Variants in AKAP6 observed in about 807,000 individuals in gnomAD.
AKAP6 encodes the protein A-kinase anchoring protein 6.
Under a neutral mutation model 188.5 loss-of-function variants are expected in AKAP6, and 58 were observed. The ratio of observed to expected loss-of-function variants is 0.31; its 90% CI spans 0.25 to 0.38. The LOEUF (loss-of-function observed/expected upper bound fraction) is 0.38. Among genes scored for constraint, AKAP6 ranks in the 10% least tolerant of loss-of-function variants. The pLI is 1.00. For synonymous variants in AKAP6, 989 were observed against 998.6 expected, an observed-to-expected ratio of 0.99 and a Z score of 0.18; for missense variants, 2,710 against 2,740.0, an observed-to-expected ratio of 0.99 and a Z score of 0.24.
At chr14:32,775,166 C>G (rs2033018131) in intron 12 of AKAP6, among the ~76,000 whole-genome samples, 1 of 152,038 alleles carries the variant, frequency 6.6e-6, no homozygotes, top group South Asian at 2.1e-4. Flanking sequence ...AGCTATTTAG[C>G]TGGCATGTTT....
At chr14:32,691,238 T>A (rs138034832) in intron 8 of AKAP6, among the ~76,000 whole-genome samples, 1 of 152,144 alleles carries the variant, frequency 6.6e-6, no homozygotes, top group Admixed American at 6.5e-5. Context: ...CAAGAGAAGA[T>A]CCTGGTTCTG....
At chr14:32,671,678 G>C (rs1889202978) in intron 7 of AKAP6, among the ~76,000 whole-genome samples, 1 of 152,068 alleles carries the variant, frequency 6.6e-6, no homozygotes, top group Non-Finnish European at 1.5e-5. Context: ...AATATGGACA[G>C]CTTCTGTAGA....
At chr14:32,354,902 T>C (rs1486809144) in intron 1 of AKAP6, among the ~76,000 whole-genome samples, 1 of 152,240 alleles carries the variant, frequency 6.6e-6, no homozygotes, top group Non-Finnish European at 1.5e-5. Flanking sequence ...CTGTGGATCC[T>C]GGTGTAACTA....
intron 5 of AKAP6, among the ~76,000 whole-genome samples, chr14:32,598,242 A>G (rs935339544): frequency 6.6e-6 from 1 of 152,208 alleles, no homozygotes; most frequent in African/African-American, 2.4e-5. Flanking sequence ...GACCTTCTCA[A>G]TAAATGTTTA....
At position 32,387,220 on chromosome 14, in the gene AKAP6, G is replaced by T. The variant is rs114845326; in HGVS notation, c.-34-46240G>T. Among the ~76,000 whole-genome samples the T allele has an allele frequency of 7.9e-3, 1,208 of 152,064 alleles. 14 individuals carry two copies. Among genetic ancestry groups the T allele is most frequent in the African/African-American group, 0.027 (1,110 of 41,534 alleles). On this transcript the variant is annotated intron_variant, in intron 1 of 13. Coordinates refer to ENST00000280979, the MANE Select transcript of AKAP6 (RefSeq NM_004274.5). ...AATCTTTAGGATTTTCTAGATAAAT[G>T]ATCATATCATCAGCAAACAGTGACA... is the stretch of plus-strand genomic sequence containing the variant.
chr14:32,791,501 G>A (rs2140055828), intron 12 of AKAP6, among the ~76,000 whole-genome samples: 1 of 150,942 alleles, frequency 6.6e-6, no homozygotes, highest in Admixed American at 6.6e-5. Context: ...TAAGTTCCTT[G>A]TAGATTCTGG....
chr14:32,705,939 C>T (rs1198504235), intron 9 of AKAP6, among the ~76,000 whole-genome samples: 1 of 152,144 alleles, frequency 6.6e-6, no homozygotes, highest in Non-Finnish European at 1.5e-5. Context: ...GGAAGAAACA[C>T]ATGTCAGTTC....
intron 5 of AKAP6, among the ~76,000 whole-genome samples, chr14:32,597,124 T>C (rs899137823): frequency 4.6e-5 from 7 of 152,214 alleles, no homozygotes; most frequent in African/African-American, 1.4e-4. Flanking sequence ...TGCTTCCATG[T>C]CATCTTGAAG....
At chr14:32,828,004 G>T (rs2034717674) in intron 13 of AKAP6, among the ~76,000 whole-genome samples, 1 of 152,086 alleles carries the variant, frequency 6.6e-6, no homozygotes, top group Non-Finnish European at 1.5e-5. Flanking sequence ...GGTGGGTTGA[G>T]GAGCTGTATT....
intron 10 of AKAP6, 58 bp from the exon 11 acceptor site, chr14:32,735,600 C>G (rs560046051): frequency 1.5e-5 from 20 of 1,310,350 alleles, no homozygotes; most frequent in Admixed American, 1.0e-4. Context: ...TTTTGTTGTT[C>G]GTGGGGTTTT....
intron 4 of AKAP6, among the ~76,000 whole-genome samples, chr14:32,547,462 T>C (rs1265364742): frequency 6.6e-6 from 1 of 152,228 alleles, no homozygotes; most frequent in Admixed American, 6.5e-5. Flanking sequence ...CAGACATTTC[T>C]AATTTATTAG....
intron 2 of AKAP6, among the ~76,000 whole-genome samples, chr14:32,442,052 G>A (rs569500827): frequency 4.7e-4 from 72 of 152,280 alleles, no homozygotes; most frequent in African/African-American, 1.7e-3. Context: ...TCCACCAGAG[G>A]TAGGATATGA....
intron 1 of AKAP6, among the ~76,000 whole-genome samples, chr14:32,384,496 C>T (rs8012982): frequency 1.3e-5 from 2 of 152,108 alleles, no homozygotes; most frequent in African/African-American, 2.4e-5. Context: ...TACAAGAAGT[C>T]ATAGAATCAT....
At position 32,332,228 on chromosome 14, in the gene AKAP6, A is replaced by T. The variant is rs138285306; in HGVS notation, c.-35+2820A>T. On this transcript the variant is annotated intron_variant, in intron 1 of 13. Transcript: ENST00000280979. ...ATTGCGATCTGGCTATGCAGCACAC[A>T]TGCTTACCCACGGCCATCTCAGTTT... 2.7e-3 allele frequency among the ~76,000 whole-genome samples: 413 copies of T among 152,256 alleles called. 1 individual carries two copies. The highest frequency in any genetic ancestry group is 9.3e-3 in the African/African-American group (386 of 41,580).
Position 32,824,092 on chromosome 14 carries a change from A to C in AKAP6, c.6279A>C (p.Lys2093Asn). 1 of 1,613,934 alleles carries C rather than the reference A, an allele frequency of 6.2e-7. No individual in the cohort carries two copies. Among genetic ancestry groups the C allele is most frequent in the Non-Finnish European group, 8.5e-7 (1 of 1,179,920 alleles). Residue 2093 changes from lysine (K) to asparagine (N), a missense_variant, in exon 13 of 14, where the codon AAA becomes AAC. Lys to Asn is a moderately conservative substitution (Grantham distance 94). This residue lies in a region of AKAP6 where 2,473 missense variants were observed against 2,426.1 expected (regional missense o/e 1.02). Transcript: ENST00000280979. ...CTTCATTAACTCAAATCAAGGAGAA[A>C]GTGTTGGAGCATTCTCACCGGCCCA... ...APTSLTQIKEKVLEHSHRPIQ... is the reference protein window; with the variant it reads ...APTSLTQIKENVLEHSHRPIQ...
chr14:32,679,696 A>G (rs564471051), intron 8 of AKAP6, among the ~76,000 whole-genome samples: 85 of 152,300 alleles, frequency 5.6e-4, no homozygotes, highest in African/African-American at 2.0e-3. Flanking sequence ...ATTGAGAGTC[A>G]TAATTCTGTT....
intron 11 of AKAP6, among the ~76,000 whole-genome samples, chr14:32,758,285 G>T (rs189418642): frequency 6.6e-6 from 1 of 152,222 alleles, no homozygotes; most frequent in Admixed American, 6.5e-5. Context: ...GAGCCAGCTG[G>T]CAGCCTACAT....
intron 7 of AKAP6, among the ~76,000 whole-genome samples, chr14:32,614,943 G>A (rs1886498480): frequency 6.6e-6 from 1 of 151,804 alleles, no homozygotes; most frequent in African/African-American, 2.4e-5. Flanking sequence ...GGCCAAGGCG[G>A]GCAGATCATG....
intron 7 of AKAP6, among the ~76,000 whole-genome samples, chr14:32,631,762 TACA>T (rs1887283565): frequency 6.6e-6 from 1 of 152,094 alleles, no homozygotes; most frequent in Non-Finnish European, 1.5e-5. Context: ...TTTTAAAATT[TACA>T]ACAACATTTT....
Sources: allele counts gnomAD v4.1 joint callset (sites outside exome capture counted in the v4.1 genomes callset), GRCh38; gene constraint gnomAD v4.1.1; regional missense constraint gnomAD v4.1.1; transcripts MANE v1.5; gene names NCBI Gene and HGNC (gene_info 2026-07-23, HGNC 2026-07-21).